MAP7D2: variants seen among roughly 807,000 people sequenced by gnomAD.
MAP7D2 encodes MAP7 domain-containing protein 2.
A neutral mutation model predicts 63.5 loss-of-function variants in MAP7D2; 33 were observed. The observed-to-expected ratio is 0.52, with a 90% CI of 0.39 to 0.70. The LOEUF is 0.70. MAP7D2 is among the 30% of genes least tolerant of loss of function. The probability of loss-of-function intolerance (pLI) is 0.00; values close to 1 mark genes in which losing one functional copy is unlikely to be tolerated. For synonymous variants in MAP7D2, 224 were observed against 223.7 expected (o/e 1.00, Z -0.01); for missense variants, 626 against 604.0 (o/e 1.04, Z -0.38).
At chrX:20,029,520 G>A (rs1012378243) in intron 8 of MAP7D2, among the ~76,000 whole-genome samples, 1 of 112,178 alleles carries the variant, frequency 8.9e-6, no homozygotes, top group Non-Finnish European at 1.9e-5. Context: ...TGTTTTAAGA[G>A]AATGGTCACA....
intron 4 of MAP7D2, chrX:20,055,670 G>A: frequency 1.6e-6 from 1 of 635,559 alleles, no homozygotes; most frequent in Non-Finnish European, 2.2e-6. Context: ...CAGACATGGT[G>A]ATGGGGGAGG....
chrX:20,008,576 A>G (rs1364218810), intron 16 of MAP7D2, among the ~76,000 whole-genome samples, 178 bp from the exon 17 acceptor site: 2 of 112,231 alleles, frequency 1.8e-5, no homozygotes, highest in African/African-American at 6.5e-5. Context: ...GTGATAGAGT[A>G]TTTTACATAG....
intron 12 of MAP7D2, 76 bp downstream of exon 12, chrX:20,015,147 A>G (rs2073341234): frequency 5.4e-6 from 4 of 734,765 alleles, no homozygotes; most frequent in Non-Finnish European, 6.3e-6. Context: ...GGATCATTCT[A>G]TCCAATCACT....
chrX:20,094,548 A>ATATATATATATATATATATATG (rs2066190988), intron 1 of MAP7D2, among the ~76,000 whole-genome samples: 1 of 9,102 alleles, frequency 1.1e-4, no homozygotes, highest in Non-Finnish European at 1.7e-4. Flanking sequence ...ATATGTATAT[A>ATATATATATATATATATATATG]TATATATATA....
chrX:20,009,205 T>C lies in MAP7D2; in HGVS notation c.*27-807A>G, dbSNP rs900365525. Among the ~76,000 whole-genome samples, 6 of 111,031 alleles carry C rather than the reference T, an allele frequency of 5.4e-5. No homozygotes were observed. In the East Asian group the frequency reaches 1.7e-3, roughly 31 times the overall value. ...AGAGCTGAGGTCAGGTAGAAACAAGTATACAAAAAACACAGTGACCTCAGC... is the reference window on the plus strand; with the variant it reads ...AGAGCTGAGGTCAGGTAGAAACAAGCATACAAAAAACACAGTGACCTCAGC... On this transcript the variant is annotated intron_variant, in intron 16 of 16. Coordinates refer to ENST00000379643, the MANE Select transcript of MAP7D2 (RefSeq NM_001168465.2).
At chrX:20,018,435 T>C (rs996196710) in intron 10 of MAP7D2, among the ~76,000 whole-genome samples, 5 of 99,194 alleles carry the variant, frequency 5.0e-5, no homozygotes, top group African/African-American at 4.1e-5. Context: ...CAGGGAAATC[T>C]TGTCCTTTTT....
At chrX:20,088,799 A>G (rs1055120208) in intron 1 of MAP7D2, among the ~76,000 whole-genome samples, 3 of 110,546 alleles carry the variant, frequency 2.7e-5, no homozygotes, top group African/African-American at 9.8e-5. Context: ...GTCCTTGCCT[A>G]TCCCAAGGTG....
chrX:20,008,733 G>C (rs2148109215), intron 16 of MAP7D2, among the ~76,000 whole-genome samples: 2 of 111,972 alleles, frequency 1.8e-5, no homozygotes, highest in South Asian at 7.4e-4. Flanking sequence ...GTCTCCTGGT[G>C]GGGGTGGTAC....
chrX:20,093,528 G>A (rs993637135), intron 1 of MAP7D2, among the ~76,000 whole-genome samples: 3 of 110,769 alleles, frequency 2.7e-5, no homozygotes, highest in African/African-American at 9.9e-5. Context: ...GTGGTGGCAC[G>A]CACCTGTAGT....
chrX:20,064,863 G>T, intron 1 of MAP7D2, 58 bp from the exon 2 acceptor site: 1 of 1,040,826 alleles, frequency 9.6e-7, no homozygotes, highest in Non-Finnish European at 1.3e-6. Context: ...TATCTGCTAA[G>T]TACTATAGGC....
chrX:20,061,062 G>A lies in MAP7D2; in HGVS notation c.372+2352C>T, dbSNP rs572846450. Among the ~76,000 whole-genome samples, 179 of 99,890 alleles carry A rather than the reference G, an allele frequency of 1.8e-3. 1 individual carries two copies. The highest frequency in any genetic ancestry group is 3.0e-3 in the Non-Finnish European group (153 of 50,437). The allele number at this position is 99,890 out of a possible 115,157, so 86.7% of individuals were successfully genotyped here. A position where few individuals can be genotyped will look rare whatever the true frequency, so the allele number is the denominator to read the frequency against. ...CTAGAGAAGTAAAATGGCCTGCATA[G>A]GATGAATGATCTTCCTGCAGAGGCT... On this transcript the variant is annotated intron_variant, in intron 3 of 16. Coordinates refer to ENST00000379643, the MANE Select transcript of MAP7D2 (RefSeq NM_001168465.2).
chrX:20,049,877 C>T (rs1056200451), intron 6 of MAP7D2: 3 of 320,074 alleles, frequency 9.4e-6, no homozygotes, highest in Non-Finnish European at 1.8e-5. Flanking sequence ...TTCTAGTCAT[C>T]CTAGTGGGTG....
chrX:20,060,236 T>C (rs1393353576), intron 3 of MAP7D2, among the ~76,000 whole-genome samples: 2 of 109,397 alleles, frequency 1.8e-5, no homozygotes, highest in African/African-American at 3.3e-5. Flanking sequence ...GCCAGGCTGG[T>C]CTTGAACTCC....
chrX:20,086,661 G>C (rs1390802027), intron 1 of MAP7D2, among the ~76,000 whole-genome samples: 1 of 111,703 alleles, frequency 9.0e-6, no homozygotes, highest in African/African-American at 3.3e-5. Flanking sequence ...CTTAATAAGA[G>C]ATTTCGACAA....
intron 1 of MAP7D2, among the ~76,000 whole-genome samples, chrX:20,089,028 C>T (rs1454933722): frequency 9.0e-6 from 1 of 111,519 alleles, no homozygotes; most frequent in Non-Finnish European, 1.9e-5. Context: ...AGTGATTTGC[C>T]CGCCTTGGTC....
chrX:20,039,948 G>A (rs2064605668), intron 8 of MAP7D2, among the ~76,000 whole-genome samples: 1 of 99,655 alleles, frequency 1.0e-5, no homozygotes, highest in South Asian at 5.0e-4. Context: ...GCAGTGAGCC[G>A]AGATTGCGCC....
At chrX:20,071,989 CTCTTG>C (rs1190226472) in intron 1 of MAP7D2, among the ~76,000 whole-genome samples, 1 of 111,015 alleles carries the variant, frequency 9.0e-6, no homozygotes, top group Non-Finnish European at 1.9e-5. Flanking sequence ...GTCCTCTAAA[CTCTTG>C]TCTTATCTCT....
At chrX:20,115,463 G>A (rs1456368207) in intron 1 of MAP7D2, among the ~76,000 whole-genome samples, 1 of 111,282 alleles carries the variant, frequency 9.0e-6, no homozygotes, top group Non-Finnish European at 1.9e-5. Context: ...CGTTCTGGTG[G>A]GTAGTTTCCA....
chrX:20,012,929 G>A, intron 14 of MAP7D2, 125 bp downstream of exon 14: 2 of 546,539 alleles, frequency 3.7e-6, no homozygotes, highest in East Asian at 3.4e-5. Flanking sequence ...CCCAGGGAAG[G>A]GAAACTGCAC....
Sources: gnomAD v4.1 joint callset for allele counts (sites outside exome capture counted in the v4.1 genomes callset) on GRCh38, gnomAD v4.1.1 for gene constraint, MANE v1.5 for transcripts, NCBI Gene and HGNC (gene_info 2026-07-23, HGNC 2026-07-21) for gene names.